Variants in ADD1 observed in about 807,000 individuals in gnomAD.
ADD1 encodes the protein adducin 1.
ADD1 carries 24 observed loss-of-function variants against 80.5 expected under a neutral mutation model. That is an observed-to-expected ratio of 0.30 (90% CI 0.22 to 0.42). ADD1 has a LOEUF of 0.42. Ranked by LOEUF, ADD1 falls within the 10% of genes least tolerant of loss-of-function variation. ADD1 has a pLI of 1.00. For synonymous variants in ADD1, 373 were observed against 393.8 expected, an observed-to-expected ratio of 0.95 and a Z score of 0.63; for missense variants, 948 against 1,019.0, an observed-to-expected ratio of 0.93 and a Z score of 0.95.
chr4:2,847,317 A>G (rs1189167967), intron 1 of ADD1, among the ~76,000 whole-genome samples: 8 of 151,658 alleles, frequency 5.3e-5, no homozygotes, highest in African/African-American at 1.7e-4. Flanking sequence ...ACTACTAGGG[A>G]GGCTGAGGCA....
intron 1 of ADD1, among the ~76,000 whole-genome samples, chr4:2,874,581 TG>T: frequency 6.8e-6 from 1 of 147,170 alleles, no homozygotes; most frequent in Non-Finnish European, 1.5e-5. Context: ...CACTCCAGAA[TG>T]AGCGACAGAG....
At chr4:2,863,219 A>ATTTTTTTTTTTT (rs34312305) in intron 1 of ADD1, among the ~76,000 whole-genome samples, 2 of 123,760 alleles carry the variant, frequency 1.6e-5, no homozygotes, top group Non-Finnish European at 3.3e-5. Flanking sequence ...CTAATTTTTA[A>ATTTTTTTTTTTT]TTTTTTTTTT....
At chr4:2,870,385 G>A (rs1420212102) in intron 1 of ADD1, among the ~76,000 whole-genome samples, 5 of 152,218 alleles carry the variant, frequency 3.3e-5, no homozygotes, top group Admixed American at 1.3e-4. Flanking sequence ...GAAAAGAGAC[G>A]TTATTTGGAC....
intron 1 of ADD1, among the ~76,000 whole-genome samples, chr4:2,873,138 G>A (rs1200177894): frequency 6.6e-6 from 1 of 152,018 alleles, no homozygotes; most frequent in Non-Finnish European, 1.5e-5. Context: ...GATTACAGGT[G>A]CGTGCCCCCA....
intron 9 of ADD1, chr4:2,901,226 C>T (rs957605518): frequency 1.3e-5 from 2 of 152,186 alleles, no homozygotes; most frequent in Non-Finnish European, 2.9e-5. Flanking sequence ...TGAGGTTGGC[C>T]CAGTCACACA....
chr4:2,915,746 C>G (rs1253900904), intron 14 of ADD1, among the ~76,000 whole-genome samples: 1 of 152,190 alleles, frequency 6.6e-6, no homozygotes, highest in East Asian at 1.9e-4. Context: ...ATCGCTTGAA[C>G]CCGGGGGGCG....
chr4:2,898,825 A>C, intron 8 of ADD1: 1 of 437,168 alleles, frequency 2.3e-6, no homozygotes, highest in Non-Finnish European at 4.2e-6. Context: ...AGTGTGTGTC[A>C]TCGCATATGT....
intron 6 of ADD1, among the ~76,000 whole-genome samples, chr4:2,897,631 C>T (rs2109022263): frequency 6.7e-6 from 1 of 149,658 alleles, no homozygotes. Context: ...ATTCCTCCTG[C>T]CTCAGCCTCT....
chr4:2,876,710 G>A (rs963837851), intron 2 of ADD1, among the ~76,000 whole-genome samples: 4 of 151,912 alleles, frequency 2.6e-5, no homozygotes, highest in South Asian at 4.2e-4. Flanking sequence ...GTAGTGGCGG[G>A]CGCCTGTAGT....
At chr4:2,905,981 CAG>C (rs974427669) in intron 10 of ADD1, among the ~76,000 whole-genome samples, 47 of 152,256 alleles carry the variant, frequency 3.1e-4, no homozygotes, top group African/African-American at 4.6e-4. Flanking sequence ...ATGGAGGAGA[CAG>C]GGGCTGAAGC....
chr4:2,882,472 GAT>G (rs1017068604), intron 3 of ADD1, among the ~76,000 whole-genome samples: 18 of 152,232 alleles, frequency 1.2e-4, no homozygotes, highest in African/African-American at 4.1e-4. Context: ...AAAAGTACTG[GAT>G]GGGTGAATGT....
intron 1 of ADD1, among the ~76,000 whole-genome samples, chr4:2,850,426 C>T (rs554609430): frequency 2.1e-4 from 32 of 151,652 alleles, no homozygotes; most frequent in Non-Finnish European, 3.7e-4. Flanking sequence ...CCACCATGCC[C>T]GGCTGATTTT....
chr4:2,928,034 TTTTAAG>T, intron 15 of ADD1, 131 bp from the exon 16 acceptor site: 1 of 784,156 alleles, frequency 1.3e-6, no homozygotes, highest in South Asian at 1.7e-5. Context: ...GTAGACCATA[TTTTAAG>T]TTTCTTGTCT....
chr4:2,885,138 C>T (rs1479752209), intron 4 of ADD1, among the ~76,000 whole-genome samples: 2 of 152,196 alleles, frequency 1.3e-5, no homozygotes, highest in African/African-American at 4.8e-5. Flanking sequence ...CAGTGGACAA[C>T]ATGAGTCCTT....
At position 2,910,863 on chromosome 4, in the gene ADD1, G is replaced by C. The variant is rs559731253; in HGVS notation, c.1791+1432G>C. Among the ~76,000 whole-genome samples the C allele has an allele frequency of 6.6e-5, 10 of 152,278 alleles. No individual in the cohort carries two copies. The South Asian group carries it at 2.1e-3, about 32-fold the overall frequency. ...ATACCACTGTACGCTGACCCCAGAG[G>C]AAGAGAGCTTGACCACCTGGACAGA... On this transcript the variant is annotated intron_variant, in intron 13 of 15. Transcript: ENST00000683351.
chr4:2,926,450 C>A lies in ADD1; in HGVS notation c.2047+338C>A. On this transcript the variant is annotated intron_variant, in intron 15 of 15. Coordinates refer to ENST00000683351, the MANE Select transcript of ADD1 (RefSeq NM_001354761.2). This position sits in a 1 kb window ranked among gnomAD's most constrained non-coding sequence, Gnocchi z 5.0. ...GAGGTGCCCTCCGCTGTGTGAGCCA[C>A]ACGCCGGCTGCCTCTCAGCCACCGT... 1.4e-6 allele frequency: 1 copy of A among 697,274 alleles called. No homozygotes were observed. Among genetic ancestry groups the A allele is most frequent in the Non-Finnish European group, 2.6e-6 (1 of 389,044 alleles). The allele number at this position is 697,274 out of a possible 1,614,324, so 43.2% of individuals were successfully genotyped here.
At chr4:2,908,960 T>G (rs747051705) in intron 12 of ADD1, 2 of 440,852 alleles carry the variant, frequency 4.5e-6, no homozygotes, top group Non-Finnish European at 8.3e-6. Flanking sequence ...CTGGTACATA[T>G]TGCTGTCTGC....
At chr4:2,894,457 G>T (rs1363198787) in intron 5 of ADD1, 125 bp from the exon 6 acceptor site, 2 of 816,244 alleles carry the variant, frequency 2.5e-6, no homozygotes, top group Non-Finnish European at 3.7e-6. Flanking sequence ...GGAGGTGGAG[G>T]CCGAGGTCGC....
intron 14 of ADD1, among the ~76,000 whole-genome samples, chr4:2,924,288 G>C (rs1454939867): frequency 6.6e-6 from 1 of 152,230 alleles, no homozygotes; most frequent in Non-Finnish European, 1.5e-5. Flanking sequence ...AGAGAAGCAG[G>C]TCTCCAAAGC....
Sources: allele counts gnomAD v4.1 joint callset (sites outside exome capture counted in the v4.1 genomes callset), GRCh38; gene constraint gnomAD v4.1.1; non-coding constraint Gnocchi (gnomAD v3.1); transcripts MANE v1.5; gene names NCBI Gene and HGNC (gene_info 2026-07-23, HGNC 2026-07-21).